Variants in RALGAPA1 observed in about 807,000 individuals in gnomAD.
RALGAPA1 encodes Ral GTPase activating protein catalytic subunit alpha 1, also known as ral GTPase-activating protein subunit alpha-1.
A neutral mutation model predicts 269.6 loss-of-function variants in RALGAPA1; 52 were observed. That is an observed-to-expected ratio of 0.19 (90% CI 0.15 to 0.24). RALGAPA1 has a LOEUF of 0.24. RALGAPA1 is among the 10% of genes least tolerant of loss of function. RALGAPA1 has a pLI of 1.00. For missense variants in RALGAPA1, 1,917 were observed against 3,013.9 expected (o/e 0.64, Z 8.52); for synonymous variants, 817 against 1,008.3 (o/e 0.81, Z 3.60).
rs138349380 is a variant in RALGAPA1, at chr14:35,558,903, T to C, written c.7497-9669A>G. ...TTTTATCAGCTTCACGCCAAAGAAG[T>C]GAAGCCAGGGAACCCAAGCCTTCAT... On this transcript the variant is annotated intron_variant, in intron 39 of 41. Transcript: ENST00000680220. Among the ~76,000 whole-genome samples, 1,154 of 152,198 alleles carry C rather than the reference T, an allele frequency of 7.6e-3. 17 individuals carry two copies. Among genetic ancestry groups the C allele is most frequent in the African/African-American group, 0.026 (1,093 of 41,518 alleles).
At position 35,688,581 on chromosome 14, in the gene RALGAPA1, A is replaced by T. The variant is rs1224929098; in HGVS notation, c.3830T>A (p.Val1277Glu). Residue 1277 changes from valine to glutamate, a missense_variant, in exon 18 of 42, where the codon GTA (valine) becomes GAA (glutamate). Around this residue, in one of 11 missense-constraint regions of RALGAPA1, gnomAD observed 615 missense variants for 790.0 expected, o/e 0.78. Transcript: ENST00000680220. ...TGCCTTCGGCTTCGAAAGAGCATGT[A>T]CAACAGTTTTATAAACGCCACCCAG... Reference protein sequence around the residue: ...GSLGGVYKTVVHALSKPKANV... With the variant: ...GSLGGVYKTVEHALSKPKANV... 6.5e-7 allele frequency: 1 copy of T among 1,536,052 alleles called. No individual in the cohort carries two copies. The highest frequency in any genetic ancestry group is 8.7e-7 in the Non-Finnish European group (1 of 1,146,860).
chr14:35,694,478 T>A (rs1274885565), intron 17 of RALGAPA1, among the ~76,000 whole-genome samples: 2 of 152,186 alleles, frequency 1.3e-5, no homozygotes, highest in South Asian at 2.1e-4. Context: ...ATTAAAATTC[T>A]ATCTTTTTAA....
intron 10 of RALGAPA1, among the ~76,000 whole-genome samples, chr14:35,747,823 T>C (rs1197939531): frequency 6.6e-6 from 1 of 152,222 alleles, no homozygotes; most frequent in East Asian, 1.9e-4. Context: ...ACAAAATTTC[T>C]ACATATTTGA....
At position 35,809,040 on chromosome 14, in the gene RALGAPA1, A is replaced by C; in HGVS notation, c.-205T>G. 1 of 896,918 alleles carries C rather than the reference A, an allele frequency of 1.1e-6. No individual in the cohort carries two copies. The highest frequency in any genetic ancestry group is 1.6e-6 in the Non-Finnish European group (1 of 617,424). 55.6% of individuals were successfully genotyped at this position (896,918 alleles called of 1,614,324 possible). On this transcript the variant is annotated 5_prime_UTR_variant, in exon 1 of 42. Transcript: ENST00000680220. ...CCGCCTCGCGCCGCGGCTCCAAGGC[A>C]CCTTCGGCCCCAGCTCCAATATGGC...
chr14:35,681,960 T>A (rs1006438935), intron 21 of RALGAPA1, among the ~76,000 whole-genome samples: 27 of 152,184 alleles, frequency 1.8e-4, no homozygotes, highest in Non-Finnish European at 1.3e-4. Context: ...TTCACTTATG[T>A]TTTTGCATAT....
intron 27 of RALGAPA1, 64 bp from the exon 28 acceptor site, chr14:35,659,260 T>C: frequency 8.1e-7 from 1 of 1,233,400 alleles, no homozygotes; most frequent in South Asian, 1.3e-5. Flanking sequence ...TCTACAAATA[T>C]TTATTAAGTG....
chr14:35,542,354 G>A (rs1057325252), intron 41 of RALGAPA1: 3 of 165,924 alleles, frequency 1.8e-5, no homozygotes, highest in East Asian at 1.8e-4. Context: ...TAGAAGGAGG[G>A]CTTTATCAGA....
rs1452643882 is a variant in RALGAPA1, at chr14:35,549,232, T to C, written c.7499A>G (p.Tyr2500Cys). ...TTGCAGGTATCGTGCTCTCTCCTCA[T>C]AGCTGATTTCCTTTGGTTAAGGATA... ...KSLIPLYQNFYEERARYLQTI... is the reference protein window; with the variant it reads ...KSLIPLYQNFCEERARYLQTI... Residue 2500 changes from tyrosine to cysteine, a missense_variant and splice_region_variant, in exon 40 of 42, where the codon TAT becomes TGT. Around this residue, in one of 11 missense-constraint regions of RALGAPA1, gnomAD observed 91 missense variants for 130.9 expected, o/e 0.70. Transcript: ENST00000680220. 1.2e-6 allele frequency: 2 copies of C among 1,612,436 alleles called. No individual in the cohort carries two copies. The highest frequency in any genetic ancestry group is 1.7e-6 in the Non-Finnish European group (2 of 1,178,962).
intron 1 of RALGAPA1, among the ~76,000 whole-genome samples, chr14:35,796,424 C>T (rs1336827955): frequency 5.9e-5 from 9 of 152,000 alleles, no homozygotes; most frequent in South Asian, 2.1e-4. Flanking sequence ...TTCCCTAATA[C>T]GGTAGTAAAT....
chr14:35,562,797 G>A (rs1021830992), intron 39 of RALGAPA1, among the ~76,000 whole-genome samples: 6 of 151,878 alleles, frequency 4.0e-5, no homozygotes, highest in Admixed American at 6.6e-5. Context: ...TGAGGTGGGC[G>A]GATCACGAGT....
chr14:35,702,815 C>T (rs1324675970), intron 16 of RALGAPA1, among the ~76,000 whole-genome samples: 3 of 150,624 alleles, frequency 2.0e-5, no homozygotes, highest in Non-Finnish European at 4.4e-5. Flanking sequence ...TCTCGGCTCA[C>T]TGCAAGCTCT....
intron 16 of RALGAPA1, among the ~76,000 whole-genome samples, chr14:35,711,433 T>C (rs1207828967): frequency 1.3e-5 from 2 of 152,182 alleles, no homozygotes; most frequent in Non-Finnish European, 2.9e-5. Context: ...GCAATATACA[T>C]TAACAACTAA....
intron 7 of RALGAPA1, among the ~76,000 whole-genome samples, chr14:35,754,898 TAATC>T (rs2073037972): frequency 6.6e-6 from 1 of 152,046 alleles, no homozygotes; most frequent in Non-Finnish European, 1.5e-5. Context: ...ATTCTCAAAA[TAATC>T]AAACAGAAAA....
At chr14:35,650,582 G>A (rs2062760577) in intron 31 of RALGAPA1, among the ~76,000 whole-genome samples, 1 of 152,080 alleles carries the variant, frequency 6.6e-6, no homozygotes, top group Non-Finnish European at 1.5e-5. Flanking sequence ...GATAATGGCA[G>A]ACAGTAGGAA....
At chr14:35,760,321 C>T (rs2073594794) in intron 6 of RALGAPA1, among the ~76,000 whole-genome samples, 2 of 152,130 alleles carry the variant, frequency 1.3e-5, no homozygotes, top group African/African-American at 4.8e-5. Flanking sequence ...CATATTCAAA[C>T]CAACCAGTCC....
chr14:35,753,958 T>C (rs537380018), intron 7 of RALGAPA1, among the ~76,000 whole-genome samples: 19 of 152,154 alleles, frequency 1.2e-4, no homozygotes, highest in Non-Finnish European at 2.5e-4. Context: ...AGGGGATATT[T>C]AGGTAGTTAC....
At chr14:35,571,631 G>A (rs1238820790) in intron 38 of RALGAPA1, among the ~76,000 whole-genome samples, 2 of 152,034 alleles carry the variant, frequency 1.3e-5, no homozygotes, top group African/African-American at 4.8e-5. Context: ...CCGAGATTGC[G>A]CCACCGCACT....
At chr14:35,549,345 T>A in intron 39 of RALGAPA1, 111 bp from the exon 40 acceptor site, 1 of 1,081,368 alleles carries the variant, frequency 9.2e-7, no homozygotes, top group South Asian at 1.9e-5. Context: ...TAAATAGAAT[T>A]ATTCACTAAT....
intron 17 of RALGAPA1, among the ~76,000 whole-genome samples, chr14:35,695,039 C>T (rs947550352): frequency 1.1e-4 from 16 of 151,994 alleles, no homozygotes; most frequent in African/African-American, 2.4e-4. Context: ...AAGATTGCAC[C>T]GCTGCATTCT....
Sources: allele counts gnomAD v4.1 joint callset (sites outside exome capture counted in the v4.1 genomes callset), GRCh38; gene constraint gnomAD v4.1.1; regional missense constraint gnomAD v4.1.1; transcripts MANE v1.5; gene names NCBI Gene and HGNC (gene_info 2026-07-23, HGNC 2026-07-21).